The following PAQR3 variants were observed in gnomAD, a reference collection of about 807,000 sequenced individuals.
The protein encoded by PAQR3 is Raf kinase trapping to Golgi.
Under a neutral mutation model 41.7 loss-of-function variants are expected in PAQR3, and 39 were observed. The observed-to-expected ratio is 0.93, with a 90% CI of 0.72 to 1.22. PAQR3 has a LOEUF of 1.22. PAQR3 is among the 50% of genes most tolerant of loss of function. The pLI is 0.00. For missense variants in PAQR3, 366 were observed against 385.6 expected, an observed-to-expected ratio of 0.95 and a Z score of 0.42; for synonymous variants, 140 against 140.6, an observed-to-expected ratio of 1.00 and a Z score of 0.03.
downstream of PAQR3, chr4:78,911,756 G>T (rs375866667): frequency 2.7e-5 from 43 of 1,613,848 alleles, no homozygotes; most frequent in African/African-American, 5.6e-4. Flanking sequence ...GACCCCTTCG[G>T]TGCCAAGCCC....
chr4:78,931,400 AAATAAT>A (rs1047233162), intron 2 of PAQR3, among the ~76,000 whole-genome samples: 4 of 152,016 alleles, frequency 2.6e-5, no homozygotes, highest in South Asian at 2.1e-4. Context: ...CTGTCTCAAA[AAATAAT>A]AATAATAATT....
chr4:78,899,655 AT>A (rs538919816), intron 11 of PAQR3, among the ~76,000 whole-genome samples: 5,307 of 145,830 alleles, frequency 0.036, 268 homozygotes, highest in African/African-American at 0.11. Flanking sequence ...TGAAGAAAGA[AT>A]TTTTTTTTTT....
Position 78,920,369 on chromosome 4 carries a change from C to A in PAQR3, c.*170G>T. On this transcript the variant is annotated 3_prime_UTR_variant, in exon 6 of 6. Transcript: ENST00000512733. ...TAGTAGTTTTAAGGATTTTGTAAAG[C>A]AGTTATTACTACAGATCCTTAAGTA... 8.1e-7 allele frequency: 1 copy of A among 1,237,146 alleles called. No homozygotes were observed. The highest frequency in any genetic ancestry group is 1.0e-6 in the Non-Finnish European group (1 of 989,220). The allele number at this position is 1,237,146 out of a possible 1,614,324, so 76.6% of individuals were successfully genotyped here.
At chr4:78,889,657 A>G (rs1733319661) in intron 11 of PAQR3, among the ~76,000 whole-genome samples, 1 of 152,196 alleles carries the variant, frequency 6.6e-6, no homozygotes, top group African/African-American at 2.4e-5. Flanking sequence ...AATACACTCT[A>G]CTAGCGTTGT....
At chr4:78,935,462 G>A (rs570127483) in intron 1 of PAQR3, among the ~76,000 whole-genome samples, 179 bp from the exon 2 acceptor site, 24 of 151,962 alleles carry the variant, frequency 1.6e-4, no homozygotes, top group Admixed American at 3.3e-4. Flanking sequence ...TTTCTACATC[G>A]CCACCAAGTC....
intron 11 of PAQR3, among the ~76,000 whole-genome samples, chr4:78,893,175 C>T (rs1022214034): frequency 6.6e-6 from 1 of 152,180 alleles, no homozygotes; most frequent in East Asian, 1.9e-4. Flanking sequence ...CAGCAGTGTT[C>T]ACAGCATCTT....
rs1734745330 is a variant in PAQR3, at chr4:78,913,055, T to A, written c.*7484A>T. ...TCAAGACATTTACAATGTGAAATCA[T>A]GTTGCATTTAACAATGTACTTTATT... On this transcript the variant is annotated 3_prime_UTR_variant, in exon 6 of 6. Transcript: ENST00000512733. 1.3e-5 allele frequency: 2 copies of A among 152,234 alleles called. No homozygotes were observed. The highest frequency in any genetic ancestry group is 4.8e-5 in the African/African-American group (2 of 41,468). 9.4% of individuals were successfully genotyped at this position (152,234 alleles called of 1,614,324 possible). A position where few individuals can be genotyped will look rare whatever the true frequency, so the allele number is the denominator to read the frequency against.
chr4:78,898,467 GC>G (rs1353750511), intron 11 of PAQR3, among the ~76,000 whole-genome samples: 1 of 151,572 alleles, frequency 6.6e-6, no homozygotes, highest in Non-Finnish European at 1.5e-5. Context: ...GTTGGCAGGG[GC>G]TATCATGATA....
chr4:78,909,725 G>A (rs182307943), downstream of PAQR3, among the ~76,000 whole-genome samples: 449 of 152,194 alleles, frequency 3.0e-3, 5 homozygotes, highest in African/African-American at 0.01. Flanking sequence ...AGGTTTATGC[G>A]CCCATTTCCC....
chr4:78,917,979 G>A lies in PAQR3; in HGVS notation c.*2560C>T, dbSNP rs1371277149. 3.0e-6 allele frequency: 3 copies of A among 983,876 alleles called. No homozygotes were observed. Among genetic ancestry groups the A allele is most frequent in the East Asian group, 1.1e-4 (1 of 8,820 alleles). The allele number at this position is 983,876 out of a possible 1,614,324, so 60.9% of individuals were successfully genotyped here. A position where few individuals can be genotyped will look rare whatever the true frequency, so the allele number is the denominator to read the frequency against. ...AGTTTATTTACATAATACATATTTT[G>A]TCATGCAGCTTACTGAATTGCAGTT... is the stretch of plus-strand genomic sequence containing the variant. On this transcript the variant is annotated 3_prime_UTR_variant, in exon 6 of 6. Transcript: ENST00000512733.
At chr4:78,890,865 T>A (rs528747043) in intron 11 of PAQR3, among the ~76,000 whole-genome samples, 1 of 152,280 alleles carries the variant, frequency 6.6e-6, no homozygotes, top group South Asian at 2.1e-4. Flanking sequence ...CCTCTAGTTG[T>A]TGCTTGAGAA....
At chr4:78,927,192 C>T (rs574192928) in intron 3 of PAQR3, among the ~76,000 whole-genome samples, 1 of 152,272 alleles carries the variant, frequency 6.6e-6, no homozygotes, top group Admixed American at 6.5e-5. Context: ...GAGATGACAT[C>T]TAAGATTTTG....
downstream of PAQR3, among the ~76,000 whole-genome samples, chr4:78,907,653 G>A (rs1409779135): frequency 1.3e-5 from 2 of 152,210 alleles, no homozygotes; most frequent in African/African-American, 4.8e-5. Flanking sequence ...AGATTCTTTT[G>A]TGTAGGACTC....
Position 78,920,350 on chromosome 4 carries a change from T to C in PAQR3, c.*189A>G. 8.2e-7 allele frequency: 1 copy of C among 1,223,108 alleles called. No individual in the cohort carries two copies. The highest frequency in any genetic ancestry group is 1.0e-6 in the Non-Finnish European group (1 of 981,134). The allele number at this position is 1,223,108 out of a possible 1,614,324, so 75.8% of individuals were successfully genotyped here. A position where few individuals can be genotyped will look rare whatever the true frequency, so the allele number is the denominator to read the frequency against. On this transcript the variant is annotated 3_prime_UTR_variant, in exon 6 of 6. Coordinates refer to ENST00000512733, the MANE Select transcript of PAQR3 (RefSeq NM_001040202.2). Reference sequence around the variant, plus strand: ...TTCTGTACAAGCAGCAAATTAGTAGTTTTAAGGATTTTGTAAAGCAGTTAT... The same window carrying C: ...TTCTGTACAAGCAGCAAATTAGTAGCTTTAAGGATTTTGTAAAGCAGTTAT...
intron 5 of PAQR3, chr4:78,921,909 T>C: frequency 2.0e-6 from 2 of 985,126 alleles, no homozygotes; most frequent in Non-Finnish European, 2.4e-6. Flanking sequence ...GGGCACATTT[T>C]ATGTCAAGTG....
rs28551010 is a variant in PAQR3, at chr4:78,924,059, A to T, written c.703-112T>A. ...TTGTTAAATCTGAACTGTTTTGCAG[A>T]CTGTCTCCAATAATAGAAACCTTGT... On this transcript the variant is annotated intron_variant, in intron 4 of 5. Transcript: ENST00000512733. 0.02 allele frequency: 15,619 copies of T among 795,538 alleles called. 1,720 individuals are homozygous for T. In the African/African-American group the frequency reaches 0.24, roughly 12 times the overall value. 49.3% of individuals were successfully genotyped at this position (795,538 alleles called of 1,614,324 possible).
downstream of PAQR3, among the ~76,000 whole-genome samples, chr4:78,908,196 G>A (rs979218030): frequency 2.0e-5 from 3 of 152,278 alleles, no homozygotes; most frequent in South Asian, 4.2e-4. Context: ...AGTATAACCT[G>A]GTGGTATTCT....
chr4:78,930,419 C>T, intron 2 of PAQR3, 94 bp from the exon 3 acceptor site: 2 of 1,272,042 alleles, frequency 1.6e-6, no homozygotes, highest in Middle Eastern at 2.0e-4. Flanking sequence ...GCTAGGCTTT[C>T]AATTCAAACA....
At position 78,903,118 on chromosome 4, in the gene PAQR3, T is replaced by C. The variant is rs530031062; in HGVS notation, c.*836+2990A>G. On this transcript the variant is annotated intron_variant and NMD_transcript_variant, in intron 11 of 12. Transcript: ENST00000342820. ...AGGTATTGTATTGTATTGTATGCCA[T>C]ACAATACCTTGCTGAATGAATTCAT... 2.0e-5 allele frequency among the ~76,000 whole-genome samples: 3 copies of C among 152,090 alleles called. No homozygotes were observed. In the East Asian group the frequency reaches 5.8e-4, roughly 29 times the overall value.
Sources: allele counts gnomAD v4.1 joint callset (sites outside exome capture counted in the v4.1 genomes callset), GRCh38; gene constraint gnomAD v4.1.1; transcripts MANE v1.5; gene names NCBI Gene and HGNC (gene_info 2026-07-23, HGNC 2026-07-21).